Variants in WWOX observed in about 807,000 individuals in gnomAD.
The protein encoded by WWOX is WW domain-containing oxidoreductase.
WWOX carries 69 observed loss-of-function variants against 46.2 expected under a neutral mutation model. The observed-to-expected ratio is 1.49, with a 90% CI of 1.23 to 1.82. The LOEUF (loss-of-function observed/expected upper bound fraction) is 1.82, where lower values mean the gene tolerates loss of function less well. WWOX is among the 40% of genes most tolerant of loss of function. The probability of loss-of-function intolerance (pLI) is 0.00; values close to 1 mark genes in which losing one functional copy is unlikely to be tolerated. For synonymous variants in WWOX, 359 were observed against 202.6 expected (o/e 1.77, Z -6.56); for missense variants, 919 against 542.6 (o/e 1.69, Z -6.89).
chr16:79,177,326 A>G (rs1567600180), intron 8 of WWOX, among the ~76,000 whole-genome samples: 1 of 151,860 alleles, frequency 6.6e-6, no homozygotes, highest in Non-Finnish European at 1.5e-5. Flanking sequence ...TTCGGAGGAA[A>G]TTTTCCCTGT....
intron 8 of WWOX, among the ~76,000 whole-genome samples, chr16:79,040,997 C>G (rs1421245468): frequency 2.6e-5 from 4 of 152,012 alleles, no homozygotes; most frequent in African/African-American, 9.7e-5. Flanking sequence ...TAGTTACTAG[C>G]AGACAAGTGC....
intron 5 of WWOX, among the ~76,000 whole-genome samples, chr16:78,321,059 T>G (rs911393787): frequency 6.6e-6 from 1 of 152,114 alleles, no homozygotes; most frequent in African/African-American, 2.4e-5. Flanking sequence ...ATACTCATAC[T>G]CAGTGCTGCT....
chr16:78,115,370 C>T (rs967331208), intron 4 of WWOX, among the ~76,000 whole-genome samples: 76 of 152,292 alleles, frequency 5.0e-4, no homozygotes, highest in African/African-American at 1.8e-3. Flanking sequence ...GAAAGCTGAA[C>T]ACTCAGCAAA....
chr16:79,146,640 G>C (rs969830722), intron 8 of WWOX, among the ~76,000 whole-genome samples: 1 of 152,164 alleles, frequency 6.6e-6, no homozygotes, highest in Non-Finnish European at 1.5e-5. Context: ...AATGCAGCCA[G>C]TACCCTGAGA....
intron 8 of WWOX, among the ~76,000 whole-genome samples, chr16:79,154,048 T>G (rs2050333297): frequency 6.6e-6 from 1 of 152,218 alleles, no homozygotes; most frequent in Non-Finnish European, 1.5e-5. Context: ...CAAAACAACT[T>G]TGGCTCCCTT....
chr16:78,682,057 C>T (rs1369416682), intron 8 of WWOX, among the ~76,000 whole-genome samples: 1 of 152,186 alleles, frequency 6.6e-6, no homozygotes, highest in Non-Finnish European at 1.5e-5. Flanking sequence ...CTCCAAATGA[C>T]TGTGACGACT....
intron 8 of WWOX, among the ~76,000 whole-genome samples, chr16:79,063,636 A>T (rs1373114573): frequency 6.6e-6 from 1 of 152,024 alleles, no homozygotes; most frequent in Non-Finnish European, 1.5e-5. Context: ...AGAAACACTG[A>T]CTCTTGCGCG....
rs1218966652 is a variant in WWOX at position 78,926,247 on chromosome 16, C to G, written c.1057-285361C>G. ...GCTTAGCCAGGCATGGTGGTGCCCACTTGTGGTTTCAGCTACCTGGGAGGC... is the reference window on the plus strand; with the variant it reads ...GCTTAGCCAGGCATGGTGGTGCCCAGTTGTGGTTTCAGCTACCTGGGAGGC... On this transcript the variant is annotated intron_variant, in intron 8 of 8. Transcript: ENST00000566780. Among the ~76,000 whole-genome samples, 8 of 152,016 alleles carry G rather than the reference C, an allele frequency of 5.3e-5. No individual in the cohort carries two copies. The East Asian group carries it at 1.6e-3, about 29-fold the overall frequency.
At chr16:78,464,096 G>T (rs1300164653) in intron 8 of WWOX, among the ~76,000 whole-genome samples, 1 of 152,122 alleles carries the variant, frequency 6.6e-6, no homozygotes, top group East Asian at 1.9e-4. Context: ...TCAGGACCTG[G>T]GAAGGGCTCT....
chr16:78,999,435 A>G (rs2047051903), intron 8 of WWOX, among the ~76,000 whole-genome samples: 1 of 152,080 alleles, frequency 6.6e-6, no homozygotes, highest in South Asian at 2.1e-4. Flanking sequence ...GCACCATTGC[A>G]CTCCAGCCTG....
In WWOX at chr16:78,725,154, G is replaced by T. The variant is rs111866392; in HGVS notation, c.1056+292402G>T. On this transcript the variant is annotated intron_variant, in intron 8 of 8. Transcript: ENST00000566780. ...ATGAGATCTGATGGTTTTATAAGGG[G>T]GAAACACCTTTCACTTGGCTCTCAT... Among the ~76,000 whole-genome samples, 624 of 151,934 alleles carry T rather than the reference G, an allele frequency of 4.1e-3. 4 individuals carry two copies. The highest frequency in any genetic ancestry group is 0.014 in the African/African-American group (597 of 41,412).
intron 8 of WWOX, among the ~76,000 whole-genome samples, chr16:79,207,506 G>A (rs969613735): frequency 6.6e-6 from 1 of 152,166 alleles, no homozygotes; most frequent in Non-Finnish European, 1.5e-5. Flanking sequence ...TTGCATAAGT[G>A]GATTAATTCA....
chr16:79,001,096 C>G (rs537683910), intron 8 of WWOX, among the ~76,000 whole-genome samples: 2 of 152,276 alleles, frequency 1.3e-5, no homozygotes, highest in East Asian at 1.9e-4. Flanking sequence ...GGGCAAGGTA[C>G]TATGAACTTT....
chr16:78,222,612 T>C (rs1302057740), intron 5 of WWOX, among the ~76,000 whole-genome samples: 1 of 152,198 alleles, frequency 6.6e-6, no homozygotes, highest in Non-Finnish European at 1.5e-5. Flanking sequence ...ACAGCACTTT[T>C]TACCATTTAA....
intron 8 of WWOX, among the ~76,000 whole-genome samples, chr16:79,020,741 T>C (rs927160743): frequency 5.9e-5 from 9 of 152,194 alleles, no homozygotes; most frequent in African/African-American, 2.2e-4. Flanking sequence ...AGGGTGTTGA[T>C]GTCAACACGC....
chr16:78,491,977 C>G (rs1448942675), intron 8 of WWOX, among the ~76,000 whole-genome samples: 1 of 152,078 alleles, frequency 6.6e-6, no homozygotes, highest in East Asian at 1.9e-4. Context: ...CTCCCTGGTC[C>G]AGGTGCATTT....
intron 8 of WWOX, among the ~76,000 whole-genome samples, chr16:79,202,137 T>C (rs994475632): frequency 6.6e-6 from 1 of 152,142 alleles, no homozygotes; most frequent in African/African-American, 2.4e-5. Context: ...TTCACAACAA[T>C]AGCAGAGTTG....
chr16:78,234,508 T>A (rs1597383184), intron 5 of WWOX, among the ~76,000 whole-genome samples: 1 of 152,278 alleles, frequency 6.6e-6, no homozygotes, highest in East Asian at 1.9e-4. Context: ...ACAGCCAGAT[T>A]TCTATTCTGA....
At chr16:79,186,231 G>C (rs2051012025) in intron 8 of WWOX, among the ~76,000 whole-genome samples, 1 of 152,166 alleles carries the variant, frequency 6.6e-6, no homozygotes, top group South Asian at 2.1e-4. Context: ...TGCTTCCCAT[G>C]GCTGCTGTAA....
Sources: gnomAD v4.1 joint callset for allele counts (sites outside exome capture counted in the v4.1 genomes callset) on GRCh38, gnomAD v4.1.1 for gene constraint, MANE v1.5 for transcripts, NCBI Gene and HGNC (gene_info 2026-07-23, HGNC 2026-07-21) for gene names.